The following TBC1D14 variants were observed in gnomAD, a reference collection of about 807,000 sequenced individuals.
TBC1D14 encodes TBC1 domain family member 14, also known as TBC1 domain family, member 14.
In TBC1D14, 26 loss-of-function variants were observed where a neutral mutation model predicts 79.0. The observed-to-expected ratio is 0.33, with a 90% CI of 0.24 to 0.46. The LOEUF is 0.46. TBC1D14 is among the 20% of genes least tolerant of loss of function. The pLI, the probability that TBC1D14 is intolerant of heterozygous loss-of-function variation, is 1.00. For missense variants in TBC1D14, 769 were observed against 887.6 expected (o/e 0.87, Z 1.70); for synonymous variants, 394 against 349.9 (o/e 1.13, Z -1.40).
At chr4:6,993,274 G>T (rs1028005587) in intron 3 of TBC1D14, among the ~76,000 whole-genome samples, 7 of 152,166 alleles carry the variant, frequency 4.6e-5, no homozygotes, top group African/African-American at 1.7e-4. Context: ...TTAAATGATT[G>T]TGTTTTTTGA....
chr4:6,928,321 T>C (rs1468368778), intron 2 of TBC1D14, among the ~76,000 whole-genome samples: 1 of 152,090 alleles, frequency 6.6e-6, no homozygotes, highest in Non-Finnish European at 1.5e-5. Flanking sequence ...GGCTGGGAGC[T>C]CCTTGGGGGC....
chr4:6,915,502 C>T (rs969828313), intron 1 of TBC1D14, among the ~76,000 whole-genome samples: 2 of 152,072 alleles, frequency 1.3e-5, no homozygotes, highest in African/African-American at 4.8e-5. Flanking sequence ...TACTGAGGGG[C>T]CTTGGAGTCA....
chr4:6,911,452 A>G (rs1047320448), intron 1 of TBC1D14, among the ~76,000 whole-genome samples: 2 of 152,248 alleles, frequency 1.3e-5, no homozygotes, highest in Non-Finnish European at 2.9e-5. Flanking sequence ...CCGCTGTTCC[A>G]GCACTTTGCA....
At chr4:6,941,510 A>T (rs983441365) in intron 2 of TBC1D14, among the ~76,000 whole-genome samples, 7 of 152,038 alleles carry the variant, frequency 4.6e-5, no homozygotes, top group African/African-American at 1.7e-4. Context: ...AGTTCTTACC[A>T]CTTTATGTTG....
At chr4:6,993,274 G>C (rs1028005587) in intron 3 of TBC1D14, among the ~76,000 whole-genome samples, 15 of 152,166 alleles carry the variant, frequency 9.9e-5, no homozygotes, top group Non-Finnish European at 1.9e-4. Context: ...TTAAATGATT[G>C]TGTTTTTTGA....
At chr4:6,984,036 A>G (rs1577120704) in intron 3 of TBC1D14, among the ~76,000 whole-genome samples, 1 of 152,152 alleles carries the variant, frequency 6.6e-6, no homozygotes, top group East Asian at 1.9e-4. Flanking sequence ...CAGGAACAGG[A>G]AACACATTTG....
At chr4:6,968,730 G>A (rs1202767114) in intron 3 of TBC1D14, among the ~76,000 whole-genome samples, 1 of 152,266 alleles carries the variant, frequency 6.6e-6, no homozygotes, top group Non-Finnish European at 1.5e-5. Context: ...TGGCCATGGG[G>A]CCTGTGCGCT....
rs754236785 is a variant in TBC1D14 at position 6,923,937 on chromosome 4, C to T, written c.548C>T (p.Thr183Met). ...SNEDILDLVVTSSSSAIVTLE... is the reference protein window; with the variant it reads ...SNEDILDLVVMSSSSAIVTLE... ...GAGGACATCTTGGACCTTGTGGTCA[C>T]GAGCAGCTCCAGTGCCATTGTGACC... is the stretch of plus-strand genomic sequence containing the variant. Residue 183 changes from threonine to methionine, a missense_variant, in exon 2 of 14, where the codon ACG becomes ATG. Thr to Met is a moderately conservative substitution (Grantham distance 81). This residue lies in a region of TBC1D14 where 402 missense variants were observed against 393.2 expected (regional missense o/e 1.02). Coordinates refer to ENST00000409757, the MANE Select transcript of TBC1D14 (RefSeq NM_020773.3). The T allele has an allele frequency of 8.7e-6, 14 of 1,613,996 alleles. No individual in the cohort carries two copies. Among genetic ancestry groups the T allele is most frequent in the East Asian group, 2.2e-5 (1 of 44,900 alleles).
rs1372003085 is a variant in TBC1D14 at position 7,031,629 on chromosome 4, A to C, written c.*1237A>C. 1 of 152,272 alleles carries C rather than the reference A, an allele frequency of 6.6e-6. No homozygotes were observed. The highest frequency in any genetic ancestry group is 1.5e-5 in the Non-Finnish European group (1 of 68,058). 9.4% of individuals were successfully genotyped at this position (152,272 alleles called of 1,614,324 possible). ...GAACCGTTTTGCAGCTGCGCAGTCT[A>C]AAGGGCAGGCCAGTGTCTGGAAGCA... On this transcript the variant is annotated 3_prime_UTR_variant, in exon 14 of 14. Coordinates refer to ENST00000409757, the MANE Select transcript of TBC1D14 (RefSeq NM_020773.3).
chr4:6,973,037 T>C (rs549487360), intron 3 of TBC1D14, among the ~76,000 whole-genome samples: 1 of 152,330 alleles, frequency 6.6e-6, no homozygotes, highest in South Asian at 2.1e-4. Context: ...GGTTGGACTC[T>C]GAGGGTGCTG....
At chr4:7,004,465 C>T (rs185894318) in intron 7 of TBC1D14, among the ~76,000 whole-genome samples, 2 of 152,310 alleles carry the variant, frequency 1.3e-5, no homozygotes, top group East Asian at 1.9e-4. Context: ...TTGGGTTGCT[C>T]TGTGTCAATT....
At chr4:6,967,771 A>T (rs1386721234) in intron 3 of TBC1D14, among the ~76,000 whole-genome samples, 1 of 152,214 alleles carries the variant, frequency 6.6e-6, no homozygotes, top group Non-Finnish European at 1.5e-5. Flanking sequence ...GTTTGATAGT[A>T]AAGCTTTCTC....
chr4:6,989,886 G>A (rs993541865), intron 3 of TBC1D14, among the ~76,000 whole-genome samples: 1 of 152,124 alleles, frequency 6.6e-6, no homozygotes, highest in Admixed American at 6.5e-5. Context: ...ATGTTGGTAT[G>A]GTCTCGTCTT....
chr4:6,971,026 C>G (rs1424890961), intron 3 of TBC1D14, among the ~76,000 whole-genome samples: 1 of 136,092 alleles, frequency 7.3e-6, no homozygotes, highest in Admixed American at 7.9e-5. Context: ...CCTCAAGGAG[C>G]CTGTGGCTGA....
intron 9 of TBC1D14, among the ~76,000 whole-genome samples, chr4:7,008,399 A>G (rs1467917324): frequency 6.6e-6 from 1 of 152,212 alleles, no homozygotes; most frequent in Admixed American, 6.5e-5. Flanking sequence ...GTCCAAAAGC[A>G]GTTAAGGTCA....
chr4:7,002,769 A>G (rs1053003959), intron 7 of TBC1D14, among the ~76,000 whole-genome samples: 5 of 152,118 alleles, frequency 3.3e-5, no homozygotes, highest in African/African-American at 4.8e-5. Flanking sequence ...CTTAATCTCG[A>G]TTTTACTACG....
At chr4:6,943,820 G>T (rs1286953084) in intron 2 of TBC1D14, among the ~76,000 whole-genome samples, 2 of 152,154 alleles carry the variant, frequency 1.3e-5, no homozygotes, top group African/African-American at 4.8e-5. Context: ...AACCTTGAGT[G>T]AATGTGAATC....
chr4:6,993,251 A>G (rs1039649909), intron 3 of TBC1D14, among the ~76,000 whole-genome samples: 1 of 152,140 alleles, frequency 6.6e-6, no homozygotes, highest in African/African-American at 2.4e-5. Context: ...TTCCTTAATT[A>G]TCTATAATCA....
intron 6 of TBC1D14, among the ~76,000 whole-genome samples, chr4:7,000,283 C>T (rs138849467): frequency 0.012 from 1,812 of 152,186 alleles, 16 homozygotes; most frequent in Middle Eastern, 0.037. Flanking sequence ...TGCATGCAGA[C>T]CCACAGCAGT....
Sources: gnomAD v4.1 joint callset for allele counts (sites outside exome capture counted in the v4.1 genomes callset) on GRCh38, gnomAD v4.1.1 for gene constraint, gnomAD v4.1.1 regional missense constraint, MANE v1.5 for transcripts, NCBI Gene and HGNC (gene_info 2026-07-23, HGNC 2026-07-21) for gene names.